The following ADAMTS2 variants were observed in gnomAD, a reference collection of about 807,000 sequenced individuals.
ADAMTS2 encodes the protein A disintegrin and metalloproteinase with thrombospondin motifs 2.
In ADAMTS2, 50 loss-of-function variants were observed where a neutral mutation model predicts 123.0. The ratio of observed to expected loss-of-function variants is 0.41; its 90% CI spans 0.32 to 0.51. The LOEUF (loss-of-function observed/expected upper bound fraction) is 0.51, where lower values mean the gene tolerates loss of function less well. ADAMTS2 is among the 20% of genes least tolerant of loss of function. The pLI is 0.35. For missense variants in ADAMTS2, 1,494 were observed against 1,705.2 expected, an observed-to-expected ratio of 0.88 and a Z score of 2.18; for synonymous variants, 678 against 695.4, an observed-to-expected ratio of 0.98 and a Z score of 0.39.
intron 2 of ADAMTS2, among the ~76,000 whole-genome samples, chr5:179,341,005 G>A (rs151228536): frequency 1.0e-3 from 156 of 152,260 alleles, no homozygotes; most frequent in Non-Finnish European, 1.9e-3. Context: ...ATAACCCCTC[G>A]CTGTGGATAT....
At chr5:179,122,817 G>C (rs1762788559) in intron 19 of ADAMTS2, 44 bp from the exon 20 acceptor site, 1 of 1,550,184 alleles carries the variant, frequency 6.5e-7, no homozygotes, top group Admixed American at 2.0e-5. Context: ...TCCCACACAG[G>C]GCCCGCACTG....
chr5:179,133,434 A>AT (rs911475675), intron 13 of ADAMTS2, among the ~76,000 whole-genome samples: 2 of 150,858 alleles, frequency 1.3e-5, no homozygotes, highest in African/African-American at 2.4e-5. Flanking sequence ...TGCCTGGCTA[A>AT]TTTTTTTTGT....
intron 10 of ADAMTS2, among the ~76,000 whole-genome samples, chr5:179,149,086 C>T (rs368290828): frequency 2.6e-4 from 40 of 152,290 alleles, no homozygotes; most frequent in African/African-American, 9.4e-4. Flanking sequence ...GGTGGGGTTG[C>T]AGGCGAGGAG....
Position 179,132,974 on chromosome 5 carries a change from G to A in ADAMTS2, c.2086-74C>T. The A allele has an allele frequency of 6.4e-7, 1 of 1,564,730 alleles. No homozygotes were observed. The highest frequency in any genetic ancestry group is 8.7e-7 in the Non-Finnish European group (1 of 1,155,436). On this transcript the variant is annotated intron_variant, in intron 13 of 21. Transcript: ENST00000251582. This position sits in a 1 kb window ranked among gnomAD's most constrained non-coding sequence, Gnocchi z 6.1. ...TCAGGGTCATACTATGTTGCCCCCA[G>A]TCTCGAACACCTGGCCTCAAGCGAT...
intron 2 of ADAMTS2, among the ~76,000 whole-genome samples, chr5:179,324,724 G>A (rs1757266339): frequency 6.6e-6 from 1 of 152,144 alleles, no homozygotes; most frequent in Non-Finnish European, 1.5e-5. Flanking sequence ...TATTTCCTTT[G>A]TATTTTGTAG....
chr5:179,335,357 T>C (rs1438268986), intron 2 of ADAMTS2, among the ~76,000 whole-genome samples: 2 of 152,196 alleles, frequency 1.3e-5, no homozygotes, highest in African/African-American at 4.8e-5. Context: ...GGGTACGAAG[T>C]CTCTGAAATC....
intron 2 of ADAMTS2, among the ~76,000 whole-genome samples, chr5:179,286,744 T>C (rs1206117057): frequency 1.3e-5 from 2 of 152,160 alleles, no homozygotes; most frequent in Non-Finnish European, 2.9e-5. Flanking sequence ...GGGGCTTGAA[T>C]AGCAGAACCT....
intron 10 of ADAMTS2, among the ~76,000 whole-genome samples, chr5:179,140,661 G>T (rs563539135): frequency 3.3e-5 from 5 of 152,192 alleles, no homozygotes; most frequent in Admixed American, 2.6e-4. Flanking sequence ...TGCAAAATGG[G>T]TTATTGACTT....
At chr5:179,131,606 GCCCAGGCA>G (rs2077395922) in intron 15 of ADAMTS2, among the ~76,000 whole-genome samples, 1 of 152,016 alleles carries the variant, frequency 6.6e-6, no homozygotes, top group African/African-American at 2.4e-5. Context: ...AGAAGGTAGG[GCCCAGGCA>G]CCTTCAGAGG....
intron 3 of ADAMTS2, among the ~76,000 whole-genome samples, chr5:179,238,912 C>T (rs1292855109): frequency 6.6e-6 from 1 of 151,768 alleles, no homozygotes; most frequent in African/African-American, 2.4e-5. Context: ...ATTCCTCTTA[C>T]AGGAAATGCC....
intron 3 of ADAMTS2, among the ~76,000 whole-genome samples, chr5:179,237,005 A>C (rs1275489232): frequency 2.6e-5 from 4 of 152,144 alleles, no homozygotes; most frequent in Non-Finnish European, 5.9e-5. Flanking sequence ...CAGTAATCTC[A>C]GCACTTTGGG....
At chr5:179,304,148 C>T (rs543389853) in intron 2 of ADAMTS2, among the ~76,000 whole-genome samples, 33 of 152,202 alleles carry the variant, frequency 2.2e-4, no homozygotes, top group Admixed American at 3.9e-4. Flanking sequence ...GACATTGAAC[C>T]GCAATCCACA....
At position 179,156,967 on chromosome 5, in the gene ADAMTS2, T is replaced by C. The variant is rs547800908; in HGVS notation, c.1132+1756A>G. Among the ~76,000 whole-genome samples, 79 of 145,496 alleles carry C rather than the reference T, an allele frequency of 5.4e-4. 1 individual carries two copies. The highest frequency in any genetic ancestry group is 4.0e-3 in the South Asian group (18 of 4,514). ...GGCTGTCCTTTCATTTTTTCTTTTT[T>C]TTTTTTTTTTTTTTGAGACAGAGTC... On this transcript the variant is annotated intron_variant, in intron 6 of 21. Transcript: ENST00000251582.
At position 179,314,442 on chromosome 5, in the gene ADAMTS2, G is replaced by A. The variant is rs921039801; in HGVS notation, c.534+29325C>T. ...CCCCGTGGCGTGGCGTGGCGTGGCC[G>A]GAATACTCAGTTTTCCCTGCTTTTT... On this transcript the variant is annotated intron_variant, in intron 2 of 21. Transcript: ENST00000251582. This position sits in a 1 kb window ranked among gnomAD's most constrained non-coding sequence, Gnocchi z 4.5. Among the ~76,000 whole-genome samples the A allele has an allele frequency of 6.0e-5, 9 of 150,716 alleles. No individual in the cohort carries two copies. Among genetic ancestry groups the A allele is most frequent in the East Asian group, 2.0e-4 (1 of 4,986 alleles).
At chr5:179,178,872 C>T (rs1233946255) in intron 5 of ADAMTS2, among the ~76,000 whole-genome samples, 2 of 152,218 alleles carry the variant, frequency 1.3e-5, no homozygotes, top group African/African-American at 4.8e-5. Flanking sequence ...GAATTTGCCT[C>T]TGAATACAGC....
chr5:179,329,013 AC>A (rs1757387622), intron 2 of ADAMTS2, among the ~76,000 whole-genome samples: 3 of 151,962 alleles, frequency 2.0e-5, no homozygotes, highest in Admixed American at 2.0e-4. Flanking sequence ...GCAATTAAAG[AC>A]CCCTGGACTG....
chr5:179,152,010 A>G, intron 10 of ADAMTS2, 132 bp downstream of exon 10: 3 of 752,298 alleles, frequency 4.0e-6, no homozygotes, highest in Non-Finnish European at 2.2e-6. Context: ...TAGAAGGGGG[A>G]AAGGAGAGGG....
intron 7 of ADAMTS2, 147 bp from the exon 8 acceptor site, chr5:179,154,339 A>G (rs1213997291): frequency 1.7e-6 from 2 of 1,185,182 alleles, no homozygotes; most frequent in East Asian, 2.6e-5. Context: ...CCGACCATCT[A>G]CCTGCTGCAA....
chr5:179,209,561 A>ACACATGCACACACGCAC (rs1764803751), intron 3 of ADAMTS2, among the ~76,000 whole-genome samples: 2 of 148,186 alleles, frequency 1.3e-5, no homozygotes, highest in South Asian at 4.2e-4. Context: ...CACACACACA[A>ACACATGCACACACGCAC]GCACACACAT....
Sources: gnomAD v4.1 joint callset for allele counts (sites outside exome capture counted in the v4.1 genomes callset) on GRCh38, gnomAD v4.1.1 for gene constraint, Gnocchi (gnomAD v3.1) non-coding constraint, MANE v1.5 for transcripts, NCBI Gene and HGNC (gene_info 2026-07-23, HGNC 2026-07-21) for gene names.